Variants in AJAP1 observed in about 807,000 individuals in gnomAD.
AJAP1 encodes the protein adherens junction-associated protein 1.
A neutral mutation model predicts 35.0 loss-of-function variants in AJAP1; 5 were observed. That is an observed-to-expected ratio of 0.14 (90% CI 0.07 to 0.30). The LOEUF (loss-of-function observed/expected upper bound fraction) is 0.30. Ranked by LOEUF, AJAP1 falls within the 10% of genes least tolerant of loss-of-function variation. The pLI is 1.00. For synonymous variants in AJAP1, 284 were observed against 249.3 expected, an observed-to-expected ratio of 1.14 and a Z score of -1.31; for missense variants, 586 against 571.0, an observed-to-expected ratio of 1.03 and a Z score of -0.27.
At position 4,719,727 on chromosome 1, in the gene AJAP1, C is replaced by T. The variant is rs553990108; in HGVS notation, c.829+7028C>T. On this transcript the variant is annotated intron_variant, in intron 2 of 5. Transcript: ENST00000378191. ...AGCTCCGAATTGCCCTAAGAATGGG[C>T]GAGTCCTGGTGTTCCCTCTGCAAGG... Among the ~76,000 whole-genome samples, 131 of 152,240 alleles carry T rather than the reference C, an allele frequency of 8.6e-4. 1 individual carries two copies. Among genetic ancestry groups the T allele is most frequent in the African/African-American group, 2.4e-3 (101 of 41,538 alleles).
intron 2 of AJAP1, among the ~76,000 whole-genome samples, chr1:4,745,153 A>G (rs537370422): frequency 2.1e-4 from 32 of 152,286 alleles, no homozygotes; most frequent in African/African-American, 7.5e-4. Context: ...CAATCATACT[A>G]AATAACAATG....
At chr1:4,727,209 C>A (rs1640683922) in intron 2 of AJAP1, among the ~76,000 whole-genome samples, 1 of 152,188 alleles carries the variant, frequency 6.6e-6, no homozygotes, top group Admixed American at 6.5e-5. Flanking sequence ...ATCTTTGCAG[C>A]CCAGCGGGCA....
chr1:4,755,875 T>G (rs1641419095), intron 2 of AJAP1, among the ~76,000 whole-genome samples: 1 of 152,022 alleles, frequency 6.6e-6, no homozygotes, highest in Admixed American at 6.6e-5. Context: ...GTTCTGGCTG[T>G]TAAACCCACC....
intron 1 of AJAP1, among the ~76,000 whole-genome samples, chr1:4,684,234 C>T (rs4993529): frequency 0.21 from 31,368 of 152,132 alleles, 3,517 homozygotes; most frequent in Middle Eastern, 0.36. Flanking sequence ...GCTGTTAACA[C>T]GCTGATAATT....
At chr1:4,701,107 C>G (rs1203185520) in intron 1 of AJAP1, among the ~76,000 whole-genome samples, 3 of 152,248 alleles carry the variant, frequency 2.0e-5, no homozygotes, top group Non-Finnish European at 4.4e-5. Flanking sequence ...TCAGTCTCCT[C>G]CAAGCACCTG....
chr1:4,776,893 T>G (rs1043662485), intron 5 of AJAP1, among the ~76,000 whole-genome samples: 1 of 152,180 alleles, frequency 6.6e-6, no homozygotes, highest in African/African-American at 2.4e-5. Flanking sequence ...GAAGAGCCCG[T>G]GAGGCTTACT....
At chr1:4,755,266 G>A (rs1208705097) in intron 2 of AJAP1, among the ~76,000 whole-genome samples, 4 of 152,234 alleles carry the variant, frequency 2.6e-5, no homozygotes, top group African/African-American at 9.6e-5. Context: ...ATATTCTGCA[G>A]CAGGAAGCAC....
In AJAP1 at chr1:4,792,511, AC is replaced by A. The variant is rs1179992294; in HGVS notation, c.*10027del. 1.5e-5 allele frequency: 2 copies of A among 136,324 alleles called. No individual in the cohort carries two copies. The highest frequency in any genetic ancestry group is 2.5e-4 in the South Asian group (1 of 4,022). The allele number at this position is 136,324 out of a possible 1,614,324, so 8.4% of individuals were successfully genotyped here. Reference sequence around the variant, plus strand: ...TCTGATGTTGCTATTAAAAAAAAAAACATAATATGAAAAAAAAAAAAAAGAA... The same window carrying A: ...TCTGATGTTGCTATTAAAAAAAAAAAATAATATGAAAAAAAAAAAAAAGAA... On this transcript the variant is annotated 3_prime_UTR_variant, in exon 6 of 6. Coordinates refer to ENST00000378191, the MANE Select transcript of AJAP1 (RefSeq NM_018836.4).
At chr1:4,664,589 C>T (rs961469919) in intron 1 of AJAP1, among the ~76,000 whole-genome samples, 6 of 152,058 alleles carry the variant, frequency 3.9e-5, no homozygotes, top group East Asian at 1.9e-4. Context: ...GCCCTTCTGC[C>T]GGGGTGTCAT....
chr1:4,773,643 G>A (rs1222875844), intron 4 of AJAP1, among the ~76,000 whole-genome samples: 2 of 152,218 alleles, frequency 1.3e-5, no homozygotes, highest in African/African-American at 2.4e-5. Flanking sequence ...GGGAGCTCAT[G>A]GGTGCCATTT....
chr1:4,696,618 C>T (rs1192138238), intron 1 of AJAP1, among the ~76,000 whole-genome samples: 1 of 152,238 alleles, frequency 6.6e-6, no homozygotes, highest in Non-Finnish European at 1.5e-5. Context: ...TGGGATTTCA[C>T]AGCCAGGCTG....
intron 4 of AJAP1, among the ~76,000 whole-genome samples, chr1:4,772,891 GC>G (rs531850465): frequency 6.6e-6 from 1 of 152,084 alleles, no homozygotes; most frequent in Non-Finnish European, 1.5e-5. Flanking sequence ...GATCACAACA[GC>G]CCCCCGACCG....
chr1:4,775,486 A>G (rs2100367223), intron 5 of AJAP1, among the ~76,000 whole-genome samples: 1 of 152,192 alleles, frequency 6.6e-6, no homozygotes, highest in Non-Finnish European at 1.5e-5. Context: ...CTTTTTGCCC[A>G]CCATCTGATA....
At chr1:4,688,256 G>A (rs530427268) in intron 1 of AJAP1, among the ~76,000 whole-genome samples, 1 of 152,166 alleles carries the variant, frequency 6.6e-6, no homozygotes, top group South Asian at 2.1e-4. Flanking sequence ...GGGGAGTGGG[G>A]ACATGTACTC....
chr1:4,774,617 C>T, intron 5 of AJAP1, 59 bp downstream of exon 5: 1 of 946,970 alleles, frequency 1.1e-6, no homozygotes, highest in East Asian at 2.4e-5. Flanking sequence ...TCCCCACTGC[C>T]CTCCCCTGCA....
rs1167136503 is a variant in AJAP1 at position 4,787,601 on chromosome 1, G to A, written c.*5116G>A. 2.3e-5 allele frequency: 10 copies of A among 433,800 alleles called. No individual in the cohort carries two copies. Among genetic ancestry groups the A allele is most frequent in the African/African-American group, 1.3e-4 (6 of 46,574 alleles). 26.9% of individuals were successfully genotyped at this position (433,800 alleles called of 1,614,324 possible). A position where few individuals can be genotyped will look rare whatever the true frequency, so the allele number is the denominator to read the frequency against. ...CATTCCAGCAAGAGTGGAAGCAGAG[G>A]GGCAGGGGCAGGGGCAGGATGAGGG... On this transcript the variant is annotated 3_prime_UTR_variant, in exon 6 of 6. Transcript: ENST00000378191.
chr1:4,658,432 T>G (rs1202777980), intron 1 of AJAP1, among the ~76,000 whole-genome samples: 1 of 152,218 alleles, frequency 6.6e-6, no homozygotes, highest in Non-Finnish European at 1.5e-5. Flanking sequence ...CCCAGGCAGC[T>G]GGGGCTGTGC....
intron 1 of AJAP1, among the ~76,000 whole-genome samples, chr1:4,663,205 C>T (rs1338697466): frequency 1.3e-5 from 2 of 152,114 alleles, no homozygotes; most frequent in Admixed American, 1.3e-4. Context: ...TCTCAAATGC[C>T]TGAGCTCAAG....
chr1:4,716,843 T>C (rs1640403725), intron 2 of AJAP1, among the ~76,000 whole-genome samples: 1 of 152,192 alleles, frequency 6.6e-6, no homozygotes, highest in South Asian at 2.1e-4. Context: ...TTTACTGCTC[T>C]ATTGAGGGGT....
Sources: allele counts gnomAD v4.1 joint callset (sites outside exome capture counted in the v4.1 genomes callset), GRCh38; gene constraint gnomAD v4.1.1; transcripts MANE v1.5; gene names NCBI Gene and HGNC (gene_info 2026-07-23, HGNC 2026-07-21).